The following LTBP4 variants were observed in gnomAD, a reference collection of about 807,000 sequenced individuals.
LTBP4 encodes the protein latent-transforming growth factor beta-binding protein 4.
Under a neutral mutation model 180.2 loss-of-function variants are expected in LTBP4, and 93 were observed. The observed-to-expected ratio is 0.52, with a 90% confidence interval of 0.44 to 0.61. The LOEUF is 0.61. Ranked by LOEUF, LTBP4 falls within the 20% of genes least tolerant of loss-of-function variation. LTBP4 has a pLI of 0.00. For missense variants in LTBP4, 2,116 were observed against 2,256.5 expected, an observed-to-expected ratio of 0.94 and a Z score of 1.26; for synonymous variants, 947 against 934.5, an observed-to-expected ratio of 1.01 and a Z score of -0.24.
In LTBP4 at chr19:40,622,309, C is replaced by A; in HGVS notation, c.3218-92C>A. The A allele has an allele frequency of 7.3e-7, 1 of 1,376,268 alleles. No individual in the cohort carries two copies. Among genetic ancestry groups the A allele is most frequent in the Non-Finnish European group, 9.7e-7 (1 of 1,033,868 alleles). 85.3% of individuals were successfully genotyped at this position (1,376,268 alleles called of 1,614,324 possible). A position where few individuals can be genotyped will look rare whatever the true frequency, so the allele number is the denominator to read the frequency against. On this transcript the variant is annotated intron_variant, in intron 22 of 29. Transcript: ENST00000396819. This position sits in a 1 kb window ranked among gnomAD's most constrained non-coding sequence, Gnocchi z 5.1. ...CACTGATGGCTGCCACCCTCTGTTT[C>A]CCTATCTATGCCAGCCTCAGTTTCC...
intron 1 of LTBP4, among the ~76,000 whole-genome samples, chr19:40,604,344 G>A (rs1260371054): frequency 1.3e-5 from 2 of 152,080 alleles, no homozygotes; most frequent in Non-Finnish European, 2.9e-5. Flanking sequence ...AGAATGCGAA[G>A]GAGACAGAGT....
In LTBP4 at chr19:40,601,612, C is replaced by A; in HGVS notation, c.225C>A (p.Ala75=). The part of the protein sequence containing the change: ...SVDSGAPGGA[A]PGGPGFRAFL... ...ACAGCGGCGCTCCCGGCGGGGCGGC[C>A]CCGGGGGGACCCGGCTTCCGCGCCT... The change falls in exon 1 of 30, where the codon GCC becomes GCA. Residue 75 remains alanine, a synonymous_variant. Transcript: ENST00000396819. The A allele has an allele frequency of 7.3e-7, 1 of 1,378,252 alleles. No homozygotes were observed. The highest frequency in any genetic ancestry group is 9.3e-7 in the Non-Finnish European group (1 of 1,073,596). 85.4% of individuals were successfully genotyped at this position (1,378,252 alleles called of 1,614,324 possible). A position where few individuals can be genotyped will look rare whatever the true frequency, so the allele number is the denominator to read the frequency against.
rs777545363 is a variant in LTBP4 at position 40,626,019 on chromosome 19, C to T, written c.3985+10C>T. On this transcript the variant is annotated intron_variant, in intron 27 of 29. Coordinates refer to ENST00000396819, the MANE Select transcript of LTBP4 (RefSeq NM_001042545.2). ...CCTGCGCAGGACTCAGGTGCTGGCA[C>T]TGGCCTAGGCTGAACTCAGAGGCCT... The T allele has an allele frequency of 3.2e-6, 5 of 1,583,908 alleles. No homozygotes were observed. Among genetic ancestry groups the T allele is most frequent in the South Asian group, 1.2e-5 (1 of 85,730 alleles).
chr19:40,610,425 C>A, intron 11 of LTBP4, 107 bp from the exon 12 acceptor site: 2 of 1,367,604 alleles, frequency 1.5e-6, no homozygotes, highest in Non-Finnish European at 2.0e-6. Flanking sequence ...CATCCTGGCT[C>A]TGGCCCAAGC....
intron 29 of LTBP4, among the ~76,000 whole-genome samples, chr19:40,628,867 G>A (rs957875551): frequency 7.2e-6 from 1 of 138,836 alleles, no homozygotes; most frequent in African/African-American, 2.7e-5. Flanking sequence ...TTCTTTTCTT[G>A]GCGACAGAGA....
chr19:40,601,285 G>T (rs1312347349), upstream of LTBP4: 9 of 911,032 alleles, frequency 9.9e-6, no homozygotes, highest in African/African-American at 1.3e-4. Context: ...GGGGGGGCCT[G>T]AGCGGGGGCG....
In LTBP4 at chr19:40,622,836, G is replaced by A. The variant is rs1050788022; in HGVS notation, c.3485-114G>A. The A allele has an allele frequency of 2.2e-6, 3 of 1,385,880 alleles. No individual in the cohort carries two copies. Among genetic ancestry groups the A allele is most frequent in the African/African-American group, 1.4e-5 (1 of 70,514 alleles). The allele number at this position is 1,385,880 out of a possible 1,614,324, so 85.8% of individuals were successfully genotyped here. A position where few individuals can be genotyped will look rare whatever the true frequency, so the allele number is the denominator to read the frequency against. On this transcript the variant is annotated intron_variant, in intron 23 of 29. Transcript: ENST00000396819. The surrounding 1 kb of genome is among the most constrained non-coding windows in gnomAD (Gnocchi z 5.1). Reference sequence around the variant, plus strand: ...GGCATGGGCAGACATAAGGCTGAGAGGTGGGCACTAACAGGCACAGGGCCA... The same window carrying A: ...GGCATGGGCAGACATAAGGCTGAGAAGTGGGCACTAACAGGCACAGGGCCA...
chr19:40,602,021 G>T (rs1186093485), intron 1 of LTBP4, among the ~76,000 whole-genome samples: 1 of 151,924 alleles, frequency 6.6e-6, no homozygotes, highest in Non-Finnish European at 1.5e-5. Flanking sequence ...GACCGCATGG[G>T]GGACGTCTCA....
chr19:40,623,165 C>A (rs2081598948), intron 24 of LTBP4, 144 bp downstream of exon 24: 1 of 509,704 alleles, frequency 2.0e-6, no homozygotes, highest in Non-Finnish European at 3.2e-6. Flanking sequence ...CTCTTTCTTT[C>A]TTTTCTTTCT....
intron 29 of LTBP4, 52 bp downstream of exon 29, chr19:40,627,909 G>C (rs2081649346): frequency 2.6e-6 from 4 of 1,523,640 alleles, no homozygotes; most frequent in Non-Finnish European, 3.5e-6. Context: ...GGCTTGTCCA[G>C]GGAGGGTGGA....
intron 22 of LTBP4, among the ~76,000 whole-genome samples, chr19:40,621,410 TAATGG>T (rs774485779): frequency 3.0e-4 from 46 of 152,196 alleles, no homozygotes; most frequent in Non-Finnish European, 5.3e-4. Flanking sequence ...TTGCTTAGGA[TAATGG>T]CCTCCAGCTG....
At chr19:40,607,010 C>T (rs2081467596) in intron 6 of LTBP4, among the ~76,000 whole-genome samples, 1 of 152,198 alleles carries the variant, frequency 6.6e-6, no homozygotes, top group Admixed American at 6.5e-5. Context: ...CTCAGCCTCC[C>T]AAAGTGCTGG....
intron 22 of LTBP4, among the ~76,000 whole-genome samples, chr19:40,620,576 G>T (rs941687744): frequency 1.3e-5 from 2 of 151,784 alleles, no homozygotes; most frequent in African/African-American, 4.8e-5. Flanking sequence ...AGGAGTTCGA[G>T]ACCAGCATGG....
chr19:40,619,302 C>T (rs1201392754), intron 21 of LTBP4, 45 bp from the exon 22 acceptor site: 2 of 1,591,710 alleles, frequency 1.3e-6, no homozygotes, highest in Non-Finnish European at 1.7e-6. Flanking sequence ...ATCATAGAAG[C>T]TTATAACCAC....
At position 40,616,447 on chromosome 19, in the gene LTBP4, T is replaced by G. The variant is rs141283100; in HGVS notation, c.2813-442T>G. ...CTCTACTAAAGAAAAAAAAAAAAGA[T>G]AGTGGCTGGGCGTGGTGGCTCACAC... On this transcript the variant is annotated intron_variant, in intron 19 of 29. Coordinates refer to ENST00000396819, the MANE Select transcript of LTBP4 (RefSeq NM_001042545.2). Among the ~76,000 whole-genome samples the G allele has an allele frequency of 5.8e-3, 854 of 148,476 alleles. 10 individuals are homozygous for G. Among genetic ancestry groups the G allele is most frequent in the African/African-American group, 0.02 (809 of 40,514 alleles).
chr19:40,601,646 G>T lies in LTBP4; in HGVS notation c.250+9G>T. On this transcript the variant is annotated intron_variant, in intron 1 of 29. Transcript: ENST00000396819. ...ACCCGGCTTCCGCGCCTGTGAGTGC[G>T]GGGTGGTGGTCCCGAGAGAGCGGCT... 7.4e-7 allele frequency: 1 copy of T among 1,355,628 alleles called. No homozygotes were observed. The highest frequency in any genetic ancestry group is 9.4e-7 in the Non-Finnish European group (1 of 1,059,394). 84.0% of individuals were successfully genotyped at this position (1,355,628 alleles called of 1,614,324 possible).
At chr19:40,625,259 TATATATATATATA>T (rs2081616972) in intron 26 of LTBP4, among the ~76,000 whole-genome samples, 2 of 1,498 alleles carry the variant, frequency 1.3e-3, no homozygotes, top group Non-Finnish European at 2.5e-3. Context: ...TATTTATATA[TATATATATATATA>T]TATATATATA....
In LTBP4 at chr19:40,611,060, G is replaced by A. The variant is rs1410853016; in HGVS notation, c.1811-92G>A. The A allele has an allele frequency of 1.8e-5, 27 of 1,540,190 alleles. No individual in the cohort carries two copies. Among genetic ancestry groups the A allele is most frequent in the Admixed American group, 5.2e-5 (3 of 57,492 alleles). ...CAAGGAGGAATAGAGATGGGGTCAC[G>A]GGGACAGAATGTTGGAGGGTGGAAA... On this transcript the variant is annotated intron_variant, in intron 12 of 29. Transcript: ENST00000396819. This position sits in a 1 kb window ranked among gnomAD's most constrained non-coding sequence, Gnocchi z 4.4.
chr19:40,599,129 CGA>C, upstream of LTBP4: 1 of 1,453,014 alleles, frequency 6.9e-7, no homozygotes, highest in Non-Finnish European at 9.5e-7. Context: ...TTCCCCTCCC[CGA>C]TTGCCCTCCT....
Sources: allele counts gnomAD v4.1 joint callset (sites outside exome capture counted in the v4.1 genomes callset), GRCh38; gene constraint gnomAD v4.1.1; non-coding constraint Gnocchi (gnomAD v3.1); transcripts MANE v1.5; gene names NCBI Gene and HGNC (gene_info 2026-07-23, HGNC 2026-07-21).